The following AFDN variants were observed in gnomAD, a reference collection of about 807,000 sequenced individuals.
The protein encoded by AFDN is afadin.
A neutral mutation model predicts 216.6 loss-of-function variants in AFDN; 68 were observed. The observed-to-expected ratio is 0.31, with a 90% CI of 0.26 to 0.38. The LOEUF (loss-of-function observed/expected upper bound fraction) is 0.38, where lower values mean the gene tolerates loss of function less well. Among genes scored for constraint, AFDN ranks in the 10% least tolerant of loss-of-function variants. The pLI is 1.00. For synonymous variants in AFDN, 868 were observed against 853.7 expected, an observed-to-expected ratio of 1.02 and a Z score of -0.29; for missense variants, 2,136 against 2,342.0, an observed-to-expected ratio of 0.91 and a Z score of 1.82.
At chr6:167,826,594 G>T, upstream of AFDN, 1 of 525,048 alleles carries the variant, frequency 1.9e-6, no homozygotes, top group Non-Finnish European at 3.9e-6. Flanking sequence ...ACCCAACACA[G>T]CACCACCCAT....
At chr6:167,943,856 T>C (rs1471466541) in intron 25 of AFDN, 85 bp from the exon 26 acceptor site, 1 of 1,134,630 alleles carries the variant, frequency 8.8e-7, no homozygotes. Flanking sequence ...GTAACATGAT[T>C]TTCCATTGCT....
At chr6:167,943,530 G>T in intron 25 of AFDN, 55 bp downstream of exon 25, 1 of 1,403,402 alleles carries the variant, frequency 7.1e-7, no homozygotes, top group South Asian at 1.2e-5. Flanking sequence ...GGTGATTTTT[G>T]CATTAAATGT....
intron 30 of AFDN, among the ~76,000 whole-genome samples, chr6:167,953,210 T>G (rs1583034462): frequency 6.6e-6 from 1 of 152,310 alleles, no homozygotes; most frequent in East Asian, 1.9e-4. Flanking sequence ...TGTTTCTAAT[T>G]TCAACTGTTT....
chr6:167,901,945 T>C (rs1789019398), intron 11 of AFDN, among the ~76,000 whole-genome samples: 1 of 151,294 alleles, frequency 6.6e-6, no homozygotes, highest in Non-Finnish European at 1.5e-5. Context: ...ATACAATAAT[T>C]AGCCGGGCAT....
intron 1 of AFDN, among the ~76,000 whole-genome samples, chr6:167,849,989 C>G (rs1782120915): frequency 6.6e-6 from 1 of 152,096 alleles, no homozygotes; most frequent in South Asian, 2.1e-4. Flanking sequence ...TTTCTCATGC[C>G]TGGTACTAAG....
intron 6 of AFDN, among the ~76,000 whole-genome samples, chr6:167,887,081 CA>C (rs1346650981): frequency 1.3e-5 from 2 of 150,228 alleles, no homozygotes; most frequent in South Asian, 4.2e-4. Context: ...CAGTATTTGC[CA>C]AGGGAATGTT....
chr6:167,830,512 GTA>G (rs796381848), intron 1 of AFDN, among the ~76,000 whole-genome samples: 9 of 152,288 alleles, frequency 5.9e-5, no homozygotes, highest in African/African-American at 2.2e-4. Context: ...AGGCCAGTGA[GTA>G]TTTATGTTTT....
chr6:167,921,336 C>T (rs189009433), intron 21 of AFDN, among the ~76,000 whole-genome samples: 230 of 152,230 alleles, frequency 1.5e-3, no homozygotes, highest in African/African-American at 5.3e-3. Context: ...TTTCCGTGGC[C>T]GAGGCATCAC....
chr6:167,905,395 A>C lies in AFDN; in HGVS notation c.1651-1776A>C, dbSNP rs377080256. Reference sequence around the variant, plus strand: ...GAGCCGAAGAAAACTGTCTTTATAAAAATTTTCGTTTCTTAAAAAAATGTG... The same window carrying C: ...GAGCCGAAGAAAACTGTCTTTATAACAATTTTCGTTTCTTAAAAAAATGTG... On this transcript the variant is annotated intron_variant, in intron 12 of 33. Transcript: ENST00000683244. Among the ~76,000 whole-genome samples the C allele has an allele frequency of 1.6e-4, 25 of 152,346 alleles. No homozygotes were observed. The South Asian group carries it at 5.2e-3, about 32-fold the overall frequency.
chr6:167,827,488 C>T (rs629014), intron 1 of AFDN: 14,411 of 146,102 alleles, frequency 0.099, 792 homozygotes, highest in South Asian at 0.2. Flanking sequence ...CGGCAGTCAC[C>T]TGTTCCCCTC....
At chr6:167,902,182 G>T in intron 11 of AFDN, 135 bp from the exon 12 acceptor site, 2 of 572,040 alleles carry the variant, frequency 3.5e-6, no homozygotes, top group Non-Finnish European at 6.1e-6. Flanking sequence ...CTGTAAGTTC[G>T]TGTGCTGAAA....
intron 2 of AFDN, among the ~76,000 whole-genome samples, chr6:167,868,235 T>A (rs1562579320): frequency 6.6e-6 from 1 of 152,086 alleles, no homozygotes; most frequent in Non-Finnish European, 1.5e-5. Context: ...AAAGGCCCCT[T>A]AGAAAAACAC....
In AFDN at chr6:167,843,101, A is replaced by G. The variant is rs149095024; in HGVS notation, c.105+15864A>G. ...ATCAAGTGCACTTGGGTAGCTGACAAAGTTGGGATTTGACTTATTGCTCCA... is the reference window on the plus strand; with the variant it reads ...ATCAAGTGCACTTGGGTAGCTGACAGAGTTGGGATTTGACTTATTGCTCCA... On this transcript the variant is annotated intron_variant, in intron 1 of 33. Coordinates refer to ENST00000683244, the MANE Select transcript of AFDN (RefSeq NM_001386888.1). Among the ~76,000 whole-genome samples the G allele has an allele frequency of 1.4e-3, 213 of 152,294 alleles. 1 individual carries two copies. The highest frequency in any genetic ancestry group is 4.8e-3 in the African/African-American group (199 of 41,562).
chr6:167,844,677 A>G (rs1268484955), intron 1 of AFDN, among the ~76,000 whole-genome samples: 2 of 152,126 alleles, frequency 1.3e-5, no homozygotes, highest in East Asian at 1.9e-4. Context: ...TTATTATTCA[A>G]AAGGTAGGGG....
intron 32 of AFDN, 25 bp downstream of exon 32, chr6:167,966,070 GA>G (rs1797524012): frequency 6.5e-7 from 1 of 1,539,776 alleles, no homozygotes. Context: ...TCCAGCACAA[GA>G]AAGTCTCATG....
At chr6:167,893,638 T>G (rs1473858319) in intron 8 of AFDN, 2 of 513,458 alleles carry the variant, frequency 3.9e-6, no homozygotes, top group East Asian at 3.3e-5. Flanking sequence ...GTGGTTTCCC[T>G]TAACAGTCTG....
intron 3 of AFDN, among the ~76,000 whole-genome samples, chr6:167,871,267 G>A (rs1784763493): frequency 6.6e-6 from 1 of 152,090 alleles, no homozygotes; most frequent in African/African-American, 2.4e-5. Context: ...TTAGTGATGT[G>A]TCATATTTGC....
intron 31 of AFDN, chr6:167,965,052 A>C (rs3734884): frequency 0.32 from 332,240 of 1,036,042 alleles, 54,213 homozygotes; most frequent in East Asian, 0.62. Flanking sequence ...TGGCTCTCTA[A>C]TTTTCTGTCT....
chr6:167,915,338 G>A lies in AFDN; in HGVS notation c.2470G>A (p.Ala824Thr). The A allele has an allele frequency of 6.2e-7, 1 of 1,614,246 alleles. No homozygotes were observed. Among genetic ancestry groups the A allele is most frequent in the Non-Finnish European group, 8.5e-7 (1 of 1,180,048 alleles). Residue 824 changes from alanine to threonine, a missense_variant, in exon 19 of 34, where the codon GCG becomes ACG. Transcript: ENST00000683244. ...DSGLCSHYWG[A>T]IIRQQLGHIE... ...GGGGCTGTGCTCCCATTACTGGGGT[G>A]CGATTATCCGTCAGCAGTTGGGCCA...
Sources: allele counts gnomAD v4.1 joint callset (sites outside exome capture counted in the v4.1 genomes callset), GRCh38; gene constraint gnomAD v4.1.1; transcripts MANE v1.5; gene names NCBI Gene and HGNC (gene_info 2026-07-23, HGNC 2026-07-21).